The following LMNTD1 variants were observed in gnomAD, a reference collection of about 807,000 sequenced individuals.
LMNTD1 encodes the protein lamin tail domain containing 1, also known as lamin tail domain-containing protein 1.
A neutral mutation model predicts 50.9 loss-of-function variants in LMNTD1; 35 were observed. The ratio of observed to expected loss-of-function variants is 0.69; its 90% CI spans 0.53 to 0.91. The LOEUF is 0.91. LMNTD1 is among the 40% of genes least tolerant of loss of function. The pLI, the probability that LMNTD1 is intolerant of heterozygous loss-of-function variation, is 0.00. For synonymous variants in LMNTD1, 153 were observed against 161.9 expected, an observed-to-expected ratio of 0.94 and a Z score of 0.42; for missense variants, 470 against 475.5, an observed-to-expected ratio of 0.99 and a Z score of 0.11.
intron 1 of LMNTD1, among the ~76,000 whole-genome samples, chr12:25,609,701 C>A (rs1179179036): frequency 6.6e-6 from 1 of 152,190 alleles, no homozygotes; most frequent in Admixed American, 6.5e-5. Flanking sequence ...CTGCCTGATC[C>A]TTCCTCTGGA....
chr12:25,538,716 C>T (rs1336366680), intron 4 of LMNTD1, among the ~76,000 whole-genome samples: 3 of 112,988 alleles, frequency 2.7e-5, no homozygotes, highest in Admixed American at 9.7e-5. Flanking sequence ...CAAATTCACA[C>T]ATAACACTAT....
chr12:25,527,654 A>G lies in LMNTD1; in HGVS notation c.492-699T>C, dbSNP rs1474711829. Among the ~76,000 whole-genome samples the G allele has an allele frequency of 2.8e-4, 13 of 45,932 alleles. No individual in the cohort carries two copies. In the East Asian group the frequency reaches 0.02, roughly 70 times the overall value. 30.1% of individuals were successfully genotyped at this position (45,932 alleles called of 152,430 possible). Reference sequence around the variant, plus strand: ...ACTTAATAACACTATATATATATATATATATATATATATATATATATATAT... The same window carrying G: ...ACTTAATAACACTATATATATATATGTATATATATATATATATATATATAT... On this transcript the variant is annotated intron_variant, in intron 4 of 9. Transcript: ENST00000458174.
intron 1 of LMNTD1, among the ~76,000 whole-genome samples, chr12:25,565,112 G>A (rs901293544): frequency 1.3e-5 from 2 of 151,820 alleles, no homozygotes; most frequent in East Asian, 1.9e-4. Flanking sequence ...TTTAGTCTAT[G>A]TATGTTTTTA....
chr12:25,523,018 AT>A (rs1270150018), intron 6 of LMNTD1, among the ~76,000 whole-genome samples: 1 of 152,082 alleles, frequency 6.6e-6, no homozygotes, highest in East Asian at 1.9e-4. Context: ...CCTCCTTTTA[AT>A]TTTTTAAATT....
intron 1 of LMNTD1, among the ~76,000 whole-genome samples, chr12:25,588,627 C>A (rs540846811): frequency 8.3e-4 from 114 of 137,558 alleles, no homozygotes; most frequent in Non-Finnish European, 1.4e-3. Context: ...CCTTCTAGAG[C>A]AAAAGATGGG....
intron 1 of LMNTD1, among the ~76,000 whole-genome samples, chr12:25,622,467 G>C (rs1018257): frequency 0.62 from 55,981 of 90,910 alleles, 16,507 homozygotes; most frequent in African/African-American, 0.71. Context: ...TTGTGAGCCC[G>C]CCCCCCCCCG....
intron 1 of LMNTD1, among the ~76,000 whole-genome samples, chr12:25,586,725 T>C (rs963392162): frequency 3.3e-5 from 5 of 152,120 alleles, no homozygotes; most frequent in African/African-American, 7.2e-5. Flanking sequence ...ACCAACAATA[T>C]AGGAAGGGGC....
intron 9 of LMNTD1, among the ~76,000 whole-genome samples, chr12:25,479,173 G>A (rs539321553): frequency 6.6e-6 from 1 of 152,266 alleles, no homozygotes; most frequent in African/African-American, 2.4e-5. Flanking sequence ...AAGTGTACAG[G>A]TGGCAATCTT....
intron 1 of LMNTD1, among the ~76,000 whole-genome samples, chr12:25,562,349 A>G (rs1363224668): frequency 1.3e-5 from 2 of 152,172 alleles, no homozygotes; most frequent in African/African-American, 2.4e-5. Flanking sequence ...AAAATCTCTC[A>G]GCATTTGTTT....
intron 9 of LMNTD1, among the ~76,000 whole-genome samples, chr12:25,500,834 AC>A (rs140665777): frequency 0.022 from 3,306 of 152,294 alleles, 122 homozygotes; most frequent in African/African-American, 0.075. Context: ...TAGTCACACA[AC>A]AGAATGCCCA....
chr12:25,488,036 C>G (rs1938722679), intron 9 of LMNTD1, among the ~76,000 whole-genome samples: 2 of 148,102 alleles, frequency 1.4e-5, no homozygotes, highest in Admixed American at 6.9e-5. Flanking sequence ...TTGAGGGTAA[C>G]CCGACCTTTC....
At chr12:25,559,169 A>G (rs1346695265) in intron 1 of LMNTD1, among the ~76,000 whole-genome samples, 7 of 151,950 alleles carry the variant, frequency 4.6e-5, no homozygotes, top group African/African-American at 1.7e-4. Flanking sequence ...TACATTAGGT[A>G]TATCTCCTAA....
chr12:25,561,325 A>C (rs1029313131), intron 1 of LMNTD1, among the ~76,000 whole-genome samples: 1 of 152,184 alleles, frequency 6.6e-6, no homozygotes, highest in African/African-American at 2.4e-5. Flanking sequence ...TGTGTCCCAG[A>C]GATTCTGGTT....
At chr12:25,559,834 T>G (rs1210500293) in intron 1 of LMNTD1, among the ~76,000 whole-genome samples, 1 of 152,264 alleles carries the variant, frequency 6.6e-6, no homozygotes, top group African/African-American at 2.4e-5. Flanking sequence ...GTTCACTGCA[T>G]AAATGTCTTC....
chr12:25,619,176 T>C (rs889562077), intron 1 of LMNTD1, among the ~76,000 whole-genome samples: 1 of 151,652 alleles, frequency 6.6e-6, no homozygotes, highest in African/African-American at 2.4e-5. Context: ...AGAATATATC[T>C]GTAGAAGTAG....
At chr12:25,480,613 C>A (rs1938413860) in intron 9 of LMNTD1, among the ~76,000 whole-genome samples, 1 of 152,190 alleles carries the variant, frequency 6.6e-6, no homozygotes, top group Non-Finnish European at 1.5e-5. Context: ...TGGTTAAAAA[C>A]CTAGACCCAT....
intron 1 of LMNTD1, among the ~76,000 whole-genome samples, chr12:25,613,484 C>A (rs1360063905): frequency 6.6e-6 from 1 of 152,130 alleles, no homozygotes; most frequent in Non-Finnish European, 1.5e-5. Context: ...ATAAATTACA[C>A]AAAAGCATTA....
At chr12:25,489,626 T>G (rs1298567452) in intron 9 of LMNTD1, among the ~76,000 whole-genome samples, 2 of 151,878 alleles carry the variant, frequency 1.3e-5, no homozygotes, top group Non-Finnish European at 2.9e-5. Context: ...CCGGAGCTGT[T>G]CCTATTCGGC....
At chr12:25,561,084 A>G (rs1344177065) in intron 1 of LMNTD1, among the ~76,000 whole-genome samples, 1 of 152,016 alleles carries the variant, frequency 6.6e-6, no homozygotes, top group Non-Finnish European at 1.5e-5. Flanking sequence ...TGATCTTTTC[A>G]AAACACCAGC....
Sources: gnomAD v4.1 joint callset for allele counts (sites outside exome capture counted in the v4.1 genomes callset) on GRCh38, gnomAD v4.1.1 for gene constraint, MANE v1.5 for transcripts, NCBI Gene and HGNC (gene_info 2026-07-23, HGNC 2026-07-21) for gene names.